Variants in MAP3K19 observed in about 807,000 individuals in gnomAD.
MAP3K19 encodes SPS1/STE20-related protein kinase YSK4.
MAP3K19 carries 91 observed loss-of-function variants against 114.4 expected under a neutral mutation model. That is an observed-to-expected ratio of 0.80 (90% CI 0.67 to 0.95). The LOEUF (loss-of-function observed/expected upper bound fraction) is 0.95, where lower values mean the gene tolerates loss of function less well. Among genes scored for constraint, MAP3K19 ranks in the 40% least tolerant of loss-of-function variants. The probability of loss-of-function intolerance (pLI) is 0.00; values close to 1 mark genes in which losing one functional copy is unlikely to be tolerated. For missense variants in MAP3K19, 1,471 were observed against 1,573.2 expected (o/e 0.94, Z 1.10); for synonymous variants, 518 against 530.5 (o/e 0.98, Z 0.32).
intron 5 of MAP3K19, among the ~76,000 whole-genome samples, chr2:135,020,760 GT>G (rs372559410): frequency 3.9e-4 from 60 of 152,270 alleles, no homozygotes; most frequent in African/African-American, 1.3e-3. Context: ...GGTTTTAAAA[GT>G]GGCAGTTTCC....
intron 1 of MAP3K19, 59 bp from the exon 2 acceptor site, chr2:135,040,561 T>TGAAAA (rs71707891): frequency 0.26 from 40,225 of 152,326 alleles, 7,130 homozygotes; most frequent in African/African-American, 0.48. Flanking sequence ...ATGATTGCCT[T>TGAAAA]GAAAAGGAAC....
At chr2:135,008,181 G>T (rs1317901633) in intron 5 of MAP3K19, among the ~76,000 whole-genome samples, 2 of 151,262 alleles carry the variant, frequency 1.3e-5, no homozygotes, top group African/African-American at 4.9e-5. Context: ...GGAGTGCAGT[G>T]GTGCGACCTC....
At chr2:135,038,232 A>C in intron 2 of MAP3K19, among the ~76,000 whole-genome samples, 1 of 152,042 alleles carries the variant, frequency 6.6e-6, no homozygotes, top group Non-Finnish European at 1.5e-5. Context: ...GGATAGGGAG[A>C]TAAATTGTGT....
At position 135,005,463 on chromosome 2, in the gene MAP3K19, A is replaced by G. The variant is rs113061226; in HGVS notation, c.207T>C (p.Gly69=). ...CTGTCCTGGGTTGCCAGTCCTGTCT[A>G]CCACCACTGGGATCTTCTTCTTCAT... The part of the protein sequence containing the change: ...LVNEEEDPSG[G]RQDWQPRTEG... The change falls in exon 6 of 13, where the codon GGT becomes GGC. Residue 69 remains glycine (G), a synonymous_variant. Coordinates refer to ENST00000392915, the MANE Select transcript of MAP3K19 (RefSeq NM_025052.5). 6.2e-7 allele frequency: 1 copy of G among 1,614,000 alleles called. No individual in the cohort carries two copies. The highest frequency in any genetic ancestry group is 8.5e-7 in the Non-Finnish European group (1 of 1,179,890).
intron 10 of MAP3K19, 69 bp from the exon 11 acceptor site, chr2:134,983,894 G>A: frequency 2.8e-6 from 3 of 1,078,056 alleles, no homozygotes; most frequent in Non-Finnish European, 4.0e-6. Flanking sequence ...AAAGGGGTGA[G>A]AGTAAAGTCT....
intron 11 of MAP3K19, among the ~76,000 whole-genome samples, chr2:134,982,872 G>T (rs1338624523): frequency 2.0e-5 from 3 of 152,122 alleles, no homozygotes; most frequent in Non-Finnish European, 4.4e-5. Context: ...CTTATTTGGG[G>T]GCCAGCCTTT....
At chr2:135,024,226 G>A (rs930491857) in intron 4 of MAP3K19, among the ~76,000 whole-genome samples, 1 of 152,174 alleles carries the variant, frequency 6.6e-6, no homozygotes, top group Non-Finnish European at 1.5e-5. Context: ...AAAGTCACAC[G>A]CTGCTCAGTG....
In MAP3K19 at chr2:134,999,129, C is replaced by G; in HGVS notation, c.315-132G>C. 9.4e-7 allele frequency: 1 copy of G among 1,065,976 alleles called. No individual in the cohort carries two copies. Among genetic ancestry groups the G allele is most frequent in the Non-Finnish European group, 1.4e-6 (1 of 738,692 alleles). 66.0% of individuals were successfully genotyped at this position (1,065,976 alleles called of 1,614,324 possible). A position where few individuals can be genotyped will look rare whatever the true frequency, so the allele number is the denominator to read the frequency against. ...CAAATGGTGCTGCTGAAAGGAAAGGCTGAATCCTGAGAGGGTAAGACATCT... is the reference window on the plus strand; with the variant it reads ...CAAATGGTGCTGCTGAAAGGAAAGGGTGAATCCTGAGAGGGTAAGACATCT... On this transcript the variant is annotated intron_variant, in intron 7 of 12. Coordinates refer to ENST00000392915, the MANE Select transcript of MAP3K19 (RefSeq NM_025052.5). This position sits in a 1 kb window ranked among gnomAD's most constrained non-coding sequence, Gnocchi z 4.1.
intron 5 of MAP3K19, among the ~76,000 whole-genome samples, chr2:135,009,338 T>G (rs1687058175): frequency 6.6e-6 from 1 of 152,270 alleles, no homozygotes; most frequent in South Asian, 2.1e-4. Context: ...GTTCATACTT[T>G]GATTAATAGA....
rs1559143739 is a variant in MAP3K19, at chr2:134,981,369, CACAATGTTG to C, written c.3363_3371del (p.Asn1122_Val1124del). ...CTTGCAAGCATGTCCCCAAATAGGC[CACAATGTTG>C]ACATGTTTCAGTGCTTTGAGCAAAT... On this transcript the variant is annotated inframe_deletion, in exon 12 of 13. Coordinates refer to ENST00000392915, the MANE Select transcript of MAP3K19 (RefSeq NM_025052.5). 6.2e-7 allele frequency: 1 copy of C among 1,614,190 alleles called. No homozygotes were observed. The highest frequency in any genetic ancestry group is 1.7e-5 in the Admixed American group (1 of 60,020).
intron 5 of MAP3K19, among the ~76,000 whole-genome samples, chr2:135,007,653 C>T (rs982016910): frequency 1.3e-5 from 2 of 151,998 alleles, no homozygotes; most frequent in East Asian, 1.9e-4. Context: ...CTTTCTAAAG[C>T]GTTTTCTATC....
intron 8 of MAP3K19, among the ~76,000 whole-genome samples, chr2:134,997,781 T>G (rs1009455280): frequency 2.3e-5 from 3 of 131,810 alleles, no homozygotes; most frequent in African/African-American, 8.3e-5. Flanking sequence ...ATTGGGCCAC[T>G]GTGCTCCAGC....
chr2:134,994,023 A>G lies in MAP3K19; in HGVS notation c.575-2443T>C, dbSNP rs574290075. ...AGACCCTATCTCCAAAAAAGTAAAT[A>G]AAATAAAATAAGTACAGAGTTCCAA... On this transcript the variant is annotated intron_variant, in intron 8 of 12. Coordinates refer to ENST00000392915, the MANE Select transcript of MAP3K19 (RefSeq NM_025052.5). Among the ~76,000 whole-genome samples, 8 of 152,282 alleles carry G rather than the reference A, an allele frequency of 5.3e-5. No homozygotes were observed. In the East Asian group the frequency reaches 9.6e-4, roughly 18 times the overall value.
chr2:135,004,649 T>C (rs1686684884), intron 6 of MAP3K19, among the ~76,000 whole-genome samples: 1 of 152,220 alleles, frequency 6.6e-6, no homozygotes, highest in Non-Finnish European at 1.5e-5. Flanking sequence ...ACAAATGGGA[T>C]AGCCGTGGCA....
rs1187957592 is a variant in MAP3K19 at position 134,997,817 on chromosome 2, C to CAAAAAAAAAAAAAAAAAAA, written c.574+920_574+921insTTTTTTTTTTTTTTTTTTT. ...CTGGTGACAGAGCGAGACTCCGTCTCAAAAAAAAAAAAACTTTAAGCACTG... is the reference window on the plus strand; with the variant it reads ...CTGGTGACAGAGCGAGACTCCGTCTCAAAAAAAAAAAAAAAAAAAAAAAAAAAAAAAACTTTAAGCACTG... On this transcript the variant is annotated intron_variant, in intron 8 of 12. Coordinates refer to ENST00000392915, the MANE Select transcript of MAP3K19 (RefSeq NM_025052.5). Among the ~76,000 whole-genome samples the CAAAAAAAAAAAAAAAAAAA allele has an allele frequency of 1.5e-3, 137 of 90,900 alleles. 6 individuals are homozygous for CAAAAAAAAAAAAAAAAAAA. The highest frequency in any genetic ancestry group is 3.9e-3 in the African/African-American group (97 of 24,560). 59.6% of individuals were successfully genotyped at this position (90,900 alleles called of 152,430 possible).
At chr2:135,031,996 A>C (rs1417350103) in intron 2 of MAP3K19, among the ~76,000 whole-genome samples, 1 of 152,178 alleles carries the variant, frequency 6.6e-6, no homozygotes, top group African/African-American at 2.4e-5. Context: ...AGAAAGGCCC[A>C]AATCAAAAAT....
intron 10 of MAP3K19, among the ~76,000 whole-genome samples, chr2:134,984,257 G>A (rs1235035731): frequency 1.3e-5 from 2 of 152,022 alleles, no homozygotes; most frequent in Non-Finnish European, 2.9e-5. Context: ...ACACAGACAA[G>A]TTCAGAAAGA....
intron 4 of MAP3K19, among the ~76,000 whole-genome samples, chr2:135,022,242 T>A (rs1373529709): frequency 6.6e-6 from 1 of 152,206 alleles, no homozygotes; most frequent in Non-Finnish European, 1.5e-5. Flanking sequence ...TTAAATCTAG[T>A]CACTTCATAC....
chr2:135,025,674 C>A (rs1012539826), intron 3 of MAP3K19, among the ~76,000 whole-genome samples: 4 of 151,880 alleles, frequency 2.6e-5, no homozygotes, highest in African/African-American at 9.7e-5. Flanking sequence ...GCGTGAGCCA[C>A]CGCGCCCAGC....
Sources: gnomAD v4.1 joint callset for allele counts (sites outside exome capture counted in the v4.1 genomes callset) on GRCh38, gnomAD v4.1.1 for gene constraint, Gnocchi (gnomAD v3.1) non-coding constraint, MANE v1.5 for transcripts, NCBI Gene and HGNC (gene_info 2026-07-23, HGNC 2026-07-21) for gene names.